The following FRAS1 variants were observed in gnomAD, a reference collection of about 807,000 sequenced individuals.
FRAS1 encodes Fraser extracellular matrix complex subunit 1.
FRAS1 carries 290 observed loss-of-function variants against 435.2 expected under a neutral mutation model. The ratio of observed to expected loss-of-function variants is 0.67; its 90% CI spans 0.61 to 0.73. FRAS1 has a LOEUF of 0.73. Ranked by LOEUF, FRAS1 falls within the 30% of genes least tolerant of loss-of-function variation. FRAS1 has a pLI of 0.00. For synonymous variants in FRAS1, 1,800 were observed against 1,851.0 expected (o/e 0.97, Z 0.71); for missense variants, 4,860 against 5,001.5 (o/e 0.97, Z 0.85).
At chr4:78,267,987 TTTCTAGAAGC>T (rs1362699851) in intron 9 of FRAS1, among the ~76,000 whole-genome samples, 2 of 152,238 alleles carry the variant, frequency 1.3e-5, no homozygotes, top group East Asian at 1.9e-4. Context: ...GTCTGCAGAA[TTTCTAGAAGC>T]TTCTAACAAA....
At chr4:78,494,622 A>C (rs1343269376) in intron 59 of FRAS1, among the ~76,000 whole-genome samples, 6 of 152,152 alleles carry the variant, frequency 3.9e-5, no homozygotes, top group Non-Finnish European at 1.5e-5. Context: ...AACATCTTCC[A>C]CCAGGCCCCA....
chr4:78,085,003 T>C (rs1017232975), intron 2 of FRAS1, among the ~76,000 whole-genome samples: 6 of 152,150 alleles, frequency 3.9e-5, no homozygotes, highest in African/African-American at 1.4e-4. Flanking sequence ...AGATACACAC[T>C]GTGCTATTAC....
At chr4:78,337,894 T>C in intron 20 of FRAS1, 77 bp downstream of exon 20, 1 of 1,441,282 alleles carries the variant, frequency 6.9e-7, no homozygotes, top group Non-Finnish European at 9.7e-7. Flanking sequence ...TTAAGGGGGC[T>C]CTTTGTCCTC....
At chr4:78,211,288 A>G (rs189754380) in intron 2 of FRAS1, among the ~76,000 whole-genome samples, 1 of 152,348 alleles carries the variant, frequency 6.6e-6, no homozygotes, top group Admixed American at 6.5e-5. Context: ...TGAGCCATGC[A>G]CTGAAGACAG....
At chr4:78,167,402 TA>T (rs1459816231) in intron 2 of FRAS1, among the ~76,000 whole-genome samples, 1 of 152,004 alleles carries the variant, frequency 6.6e-6, no homozygotes, top group Non-Finnish European at 1.5e-5. Flanking sequence ...GAGACCCCAA[TA>T]TTCAGTGGGT....
intron 9 of FRAS1, among the ~76,000 whole-genome samples, chr4:78,273,548 G>T (rs917513535): frequency 5.3e-5 from 8 of 152,046 alleles, no homozygotes; most frequent in African/African-American, 1.7e-4. Flanking sequence ...TGTCAAAGGC[G>T]TTTTCTGCAT....
intron 2 of FRAS1, among the ~76,000 whole-genome samples, chr4:78,134,429 C>G (rs1719836390): frequency 6.6e-6 from 1 of 152,236 alleles, no homozygotes; most frequent in Middle Eastern, 3.4e-3. Flanking sequence ...CTTCTAAGTA[C>G]TGGGCCTGTA....
chr4:78,260,862 A>G (rs185795163), intron 6 of FRAS1, among the ~76,000 whole-genome samples: 4 of 152,232 alleles, frequency 2.6e-5, no homozygotes, highest in African/African-American at 9.6e-5. Context: ...TTATAATTCA[A>G]ACGTCTTTCA....
intron 2 of FRAS1, chr4:78,072,027 T>C (rs1011782689): frequency 6.7e-6 from 1 of 149,974 alleles, no homozygotes; most frequent in African/African-American, 2.5e-5. Flanking sequence ...TGTTTTCTTT[T>C]TTGTTGTCGT....
At chr4:78,481,041 C>CTTTCTACT (rs368180760) in intron 56 of FRAS1, among the ~76,000 whole-genome samples, 1,736 of 152,318 alleles carry the variant, frequency 0.011, 34 homozygotes, top group African/African-American at 0.04. Flanking sequence ...AAAGCCAGAC[C>CTTTCTACT]TTTCTACTAT....
At chr4:78,307,555 T>C (rs904098955) in intron 14 of FRAS1, among the ~76,000 whole-genome samples, 2 of 152,342 alleles carry the variant, frequency 1.3e-5, no homozygotes, top group East Asian at 1.9e-4. Flanking sequence ...TTTAATCTCC[T>C]GGTGCGCCGT....
chr4:78,137,714 G>C (rs1247067977), intron 2 of FRAS1, among the ~76,000 whole-genome samples: 2 of 152,058 alleles, frequency 1.3e-5, no homozygotes, highest in African/African-American at 2.4e-5. Context: ...GAATTTGGGT[G>C]TGTGTGTGTG....
chr4:78,153,574 C>T (rs1560552737), intron 2 of FRAS1, among the ~76,000 whole-genome samples: 3 of 152,144 alleles, frequency 2.0e-5, no homozygotes, highest in Non-Finnish European at 4.4e-5. Flanking sequence ...GAACATTTAG[C>T]ACTTGAGGAG....
At chr4:78,359,175 A>G (rs910933182) in intron 20 of FRAS1, among the ~76,000 whole-genome samples, 59 of 97,236 alleles carry the variant, frequency 6.1e-4, no homozygotes, top group African/African-American at 2.2e-3. Context: ...TGTGTAGATC[A>G]CAGCATCCCC....
intron 32 of FRAS1, 73 bp from the exon 33 acceptor site, chr4:78,418,874 TAA>T: frequency 1.2e-6 from 1 of 831,772 alleles, no homozygotes; most frequent in Admixed American, 2.6e-5. Context: ...TTTTTTTTCT[TAA>T]TAAGGTCTGT....
intron 2 of FRAS1, among the ~76,000 whole-genome samples, chr4:78,145,628 A>G (rs1376147324): frequency 9.9e-5 from 15 of 152,146 alleles, no homozygotes. Context: ...AGCAAACACA[A>G]TTTATAAAAT....
At position 78,284,503 on chromosome 4, in the gene FRAS1, C is replaced by T. The variant is rs1727487089; in HGVS notation, c.1354C>T (p.His452Tyr). The T allele has an allele frequency of 6.2e-7, 1 of 1,613,440 alleles. No individual in the cohort carries two copies. Among genetic ancestry groups the T allele is most frequent in the Non-Finnish European group, 8.5e-7 (1 of 1,179,704 alleles). ...TKLLQNGWCV[H>Y]SCGLGFYQAG... ...GTTACTGCAGAATGGATGGTGTGTG[C>T]ACAGCTGTGGACTGGGTTTTTACCA... The change falls in exon 13 of 74, where the codon CAC becomes TAC. Residue 452 changes from histidine to tyrosine, a missense_variant. Coordinates refer to ENST00000512123, the MANE Select transcript of FRAS1 (RefSeq NM_025074.7).
Position 78,446,866 on chromosome 4 carries a change from A to T in FRAS1, c.5996A>T (p.Lys1999Ile). 1 of 1,609,930 alleles carries T rather than the reference A, an allele frequency of 6.2e-7. No individual in the cohort carries two copies. Among genetic ancestry groups the T allele is most frequent in the Non-Finnish European group, 8.5e-7 (1 of 1,178,040 alleles). ...PDNELIFVLTKKPDHGHVLWR... is the reference protein window; with the variant it reads ...PDNELIFVLTIKPDHGHVLWR... Reference sequence around the variant, plus strand: ...AATGAGCTCATTTTTGTATTGACAAAAAAGCCTGACCACGGTAGGGCACGA... The same window carrying T: ...AATGAGCTCATTTTTGTATTGACAATAAAGCCTGACCACGGTAGGGCACGA... Residue 1999 changes from lysine (K) to isoleucine (I), a missense_variant, in exon 43 of 74, where the codon AAA becomes ATA. Lys to Ile is a moderately radical substitution (Grantham distance 102). Transcript: ENST00000512123.
chr4:78,444,939 G>T (rs927564636), intron 41 of FRAS1, among the ~76,000 whole-genome samples: 2 of 152,210 alleles, frequency 1.3e-5, no homozygotes, highest in Non-Finnish European at 2.9e-5. Context: ...TATCCCAGGG[G>T]CTGGGCTCTG....
Sources: gnomAD v4.1 joint callset for allele counts (sites outside exome capture counted in the v4.1 genomes callset) on GRCh38, gnomAD v4.1.1 for gene constraint, MANE v1.5 for transcripts, NCBI Gene and HGNC (gene_info 2026-07-23, HGNC 2026-07-21) for gene names.